The following PSG5 variants were observed in gnomAD, a reference collection of about 807,000 sequenced individuals.
The protein encoded by PSG5 is pregnancy specific beta-1-glycoprotein 5.
PSG5 carries 53 observed loss-of-function variants against 37.7 expected under a neutral mutation model. That is an observed-to-expected ratio of 1.41 (90% confidence interval 1.13 to 1.77). The LOEUF (loss-of-function observed/expected upper bound fraction) is 1.77. PSG5 is among the 40% of genes most tolerant of loss of function. PSG5 has a pLI of 0.00. For synonymous variants in PSG5, 221 were observed against 155.4 expected (o/e 1.42, Z -3.14); for missense variants, 547 against 405.2 (o/e 1.35, Z -3.00).
Position 43,181,860 on chromosome 19 carries a change from G to A in PSG5, c.430+2922C>T, listed in dbSNP as rs1287357241. On this transcript the variant is annotated intron_variant, in intron 2 of 5. Coordinates refer to ENST00000342951, the MANE Select transcript of PSG5 (RefSeq NM_002781.4). The stretch of plus-strand genomic sequence containing the variant: ...AAGCTTGTTATATGCCTGACAGGAA[G>A]CCAGAAGTCTCTAAGAAGTGACAGG... Among the ~76,000 whole-genome samples the A allele has an allele frequency of 3.3e-5, 5 of 151,710 alleles. No individual in the cohort carries two copies. The East Asian group carries it at 7.7e-4, about 23-fold the overall frequency.
intron 2 of PSG5, among the ~76,000 whole-genome samples, chr19:43,182,304 T>A (rs1371700024): frequency 6.6e-6 from 1 of 151,766 alleles, no homozygotes; most frequent in Non-Finnish European, 1.5e-5. Context: ...TGCAATGTTG[T>A]TTGGCCAGAG....
intron 2 of PSG5, among the ~76,000 whole-genome samples, chr19:43,180,914 G>A (rs1953993725): frequency 1.3e-5 from 2 of 151,516 alleles, no homozygotes; most frequent in African/African-American, 2.4e-5. Flanking sequence ...AATATAGAAA[G>A]AACTCCCTGC....
chr19:43,179,729 G>C (rs1025524317), intron 2 of PSG5, among the ~76,000 whole-genome samples: 15 of 151,584 alleles, frequency 9.9e-5, no homozygotes, highest in East Asian at 1.9e-4. Context: ...TCAGGCAGTG[G>C]AGCCACAAGG....
At chr19:43,177,880 C>T (rs1323149453) in intron 2 of PSG5, among the ~76,000 whole-genome samples, 2 of 151,484 alleles carry the variant, frequency 1.3e-5, no homozygotes, top group Non-Finnish European at 2.9e-5. Flanking sequence ...ATATTGATAT[C>T]ATCTTTAATT....
chr19:43,185,219 C>A, intron 1 of PSG5, 72 bp from the exon 2 acceptor site: 1 of 1,475,270 alleles, frequency 6.8e-7, no homozygotes, highest in Non-Finnish European at 9.2e-7. Context: ...GCCCTGGGTC[C>A]TGAGAAGGTC....
At chr19:43,169,504 A>G (rs1968858377) in intron 5 of PSG5, among the ~76,000 whole-genome samples, 1 of 151,662 alleles carries the variant, frequency 6.6e-6, no homozygotes, top group African/African-American at 2.4e-5. Context: ...GTAGGAAGAC[A>G]GTTCTAATTA....
Position 43,185,081 on chromosome 19 carries a change from T to C in PSG5, c.131A>G (p.Lys44Arg). Residue 44 changes from lysine (K) to arginine (R), a missense_variant, in exon 2 of 6, where the codon AAA (lysine) becomes AGA (arginine). By Grantham distance (26) the Lys-to-Arg change is conservative. Coordinates refer to ENST00000342951, the MANE Select transcript of PSG5 (RefSeq NM_002781.4). ...AAGAACATCCTTCCCCTCGGAAACT[T>C]TGGGTGGCAGGGCTTCAATCGTGAC... ...AQVTIEALPPKVSEGKDVLLL... is the reference protein window; with the variant it reads ...AQVTIEALPPRVSEGKDVLLL... 3 of 1,612,000 alleles carry C rather than the reference T, an allele frequency of 1.9e-6. No homozygotes were observed. Among genetic ancestry groups the C allele is most frequent in the Non-Finnish European group, 2.5e-6 (3 of 1,178,830 alleles).
At chr19:43,180,386 A>G (rs932580033) in intron 2 of PSG5, 1 of 151,606 alleles carries the variant, frequency 6.6e-6, no homozygotes, top group African/African-American at 2.4e-5. Flanking sequence ...TTTGCAGTAC[A>G]TGTACTGGTT....
In PSG5 at chr19:43,186,409, C is replaced by T. The variant is rs182020351; in HGVS notation, c.-4G>A. The T allele has an allele frequency of 3.3e-5, 53 of 1,612,208 alleles. No homozygotes were observed. In the East Asian group the frequency reaches 1.1e-3, roughly 35 times the overall value. ...GAGGGGCTGAGAGGGGCCCCATGGT[C>T]TCTGCGCCTGCGTGTTCTCCTCTGT... On this transcript the variant is annotated 5_prime_UTR_variant, in exon 1 of 6. Coordinates refer to ENST00000342951, the MANE Select transcript of PSG5 (RefSeq NM_002781.4).
Position 43,185,068 on chromosome 19 carries a change from C to T in PSG5, c.144G>A (p.Gly48=). Residue 48 remains glycine, a synonymous_variant, in exon 2 of 6, where the codon GGG becomes GGA. Transcript: ENST00000342951. The stretch of plus-strand genomic sequence containing the variant: ...TGTGGACAAGTAGAAGAACATCCTT[C>T]CCCTCGGAAACTTTGGGTGGCAGGG... ...IEALPPKVSE[G]KDVLLLVHNL... 1.9e-6 allele frequency: 3 copies of T among 1,612,434 alleles called. No homozygotes were observed. The South Asian group carries it at 3.3e-5, about 18-fold the overall frequency.
intron 2 of PSG5, chr19:43,179,180 A>G: frequency 6.3e-7 from 1 of 1,577,394 alleles, no homozygotes; most frequent in South Asian, 1.1e-5. Context: ...CAGAGAGAAG[A>G]TTGCCCTGTG....
At chr19:43,173,506 G>A (rs1224803399) in intron 4 of PSG5, among the ~76,000 whole-genome samples, 3 of 151,570 alleles carry the variant, frequency 2.0e-5, no homozygotes, top group South Asian at 2.1e-4. Context: ...GTCAACAACA[G>A]CAAACATCCA....
chr19:43,175,741 C>T, intron 3 of PSG5, 129 bp downstream of exon 3: 7 of 1,524,892 alleles, frequency 4.6e-6, no homozygotes, highest in Non-Finnish European at 5.3e-6. Flanking sequence ...GGCAGGGAGT[C>T]ATGGCCAGCT....
chr19:43,179,592 G>A (rs1969085087), intron 2 of PSG5, among the ~76,000 whole-genome samples: 2 of 151,756 alleles, frequency 1.3e-5, no homozygotes, highest in Admixed American at 1.3e-4. Context: ...ACATCCTAGA[G>A]ATGGATGATG....
At chr19:43,171,598 T>C (rs919390307) in intron 4 of PSG5, 11 of 502,816 alleles carry the variant, frequency 2.2e-5, no homozygotes, top group Admixed American at 4.7e-5. Flanking sequence ...TTCTTCAAAA[T>C]AAAATCAACA....
rs149905726 is a variant in PSG5, at chr19:43,169,615, C to G, written c.*40+440G>C. ...TCAAATAGGCTAGAGTAGACCCCTG[C>G]AGATTCTTGATTAAGTGAATTAACT... On this transcript the variant is annotated intron_variant, in intron 5 of 5. Coordinates refer to ENST00000342951, the MANE Select transcript of PSG5 (RefSeq NM_002781.4). 1.3e-3 allele frequency among the ~76,000 whole-genome samples: 195 copies of G among 151,650 alleles called. 3 individuals carry two copies. Among genetic ancestry groups the G allele is most frequent in the Middle Eastern group, 0.01 (3 of 294 alleles).
At chr19:43,174,862 G>A (rs12463207) in intron 4 of PSG5, 70,337 of 1,193,876 alleles carry the variant, frequency 0.059, 3,147 homozygotes, top group Middle Eastern at 0.079. Flanking sequence ...TAGGTACAAG[G>A]AAACAAAGAC....
At position 43,186,526 on chromosome 19, in the gene PSG5, G is replaced by T. The variant is rs12610809; in HGVS notation, c.-121C>A. On this transcript the variant is annotated 5_prime_UTR_variant, in exon 1 of 6. Coordinates refer to ENST00000342951, the MANE Select transcript of PSG5 (RefSeq NM_002781.4). ...TGTGCTGAGCCTCTCTCCAGGGCAG[G>T]AGCACTTCTCAGGCTCATGGGTGGG... 2 of 1,483,658 alleles carry T rather than the reference G, an allele frequency of 1.3e-6. No homozygotes were observed. The highest frequency in any genetic ancestry group is 2.9e-5 in the African/African-American group (2 of 69,944). 91.9% of individuals were successfully genotyped at this position (1,483,658 alleles called of 1,614,324 possible).
intron 3 of PSG5, 83 bp downstream of exon 3, chr19:43,175,787 C>A: frequency 6.3e-7 from 1 of 1,583,086 alleles, no homozygotes; most frequent in Non-Finnish European, 8.6e-7. Context: ...ATACTTGGAC[C>A]GGAGAAAGAC....
Sources: allele counts gnomAD v4.1 joint callset (sites outside exome capture counted in the v4.1 genomes callset), GRCh38; gene constraint gnomAD v4.1.1; transcripts MANE v1.5; gene names NCBI Gene and HGNC (gene_info 2026-07-23, HGNC 2026-07-21).